Variants in DOC2B observed in about 807,000 individuals in gnomAD.
DOC2B encodes double C2-like domain-containing protein beta.
DOC2B carries 21 observed loss-of-function variants against 28.9 expected under a neutral mutation model. That is an observed-to-expected ratio of 0.73 (90% CI 0.52 to 1.05). DOC2B has a LOEUF of 1.05. DOC2B is among the 50% of genes least tolerant of loss of function. DOC2B has a pLI of 0.00. For missense variants in DOC2B, 384 were observed against 421.1 expected, an observed-to-expected ratio of 0.91 and a Z score of 0.77; for synonymous variants, 194 against 178.1, an observed-to-expected ratio of 1.09 and a Z score of -0.71.
chr17:155,848 T>G (rs2040128138), intron 6 of DOC2B, among the ~76,000 whole-genome samples: 1 of 152,078 alleles, frequency 6.6e-6, no homozygotes, highest in Admixed American at 6.6e-5. Context: ...CCTGGCAGAG[T>G]TCCTCTGCAT....
At chr17:154,946 C>G (rs1223853527) in intron 6 of DOC2B, among the ~76,000 whole-genome samples, 1 of 152,164 alleles carries the variant, frequency 6.6e-6, no homozygotes, top group Non-Finnish European at 1.5e-5. Flanking sequence ...CCAAGCTGGT[C>G]TCAAACTCCT....
intron 1 of DOC2B, among the ~76,000 whole-genome samples, chr17:176,740 C>T (rs564961376): frequency 6.6e-6 from 1 of 152,350 alleles, no homozygotes; most frequent in Non-Finnish European, 1.5e-5. Context: ...CTGTGACCCA[C>T]AGTGCCCTGC....
chr17:159,050 A>AC (rs1473142692), intron 5 of DOC2B, among the ~76,000 whole-genome samples: 1 of 151,548 alleles, frequency 6.6e-6, no homozygotes, highest in Non-Finnish European at 1.5e-5. Flanking sequence ...ATAAAAAAAA[A>AC]AAAAAAACAA....
rs1555523219 is a variant in DOC2B at position 161,447 on chromosome 17, T to A, written c.733A>T (p.Thr245Ser). The change falls in exon 5 of 9, where the codon ACC becomes TCC. Residue 245 changes from threonine (T) to serine (S), a missense_variant. Coordinates refer to ENST00000613549, the MANE Select transcript of DOC2B (RefSeq NM_003585.5). ...TGCTTCTCCAGGCAGATGCTGAAGG[T>A]CTTGGTGTGGTTGGGTTTCAGCTTC... ...LKKLKPNHTK[T>S]FSICLEKQLP... 6.4e-7 allele frequency: 1 copy of A among 1,551,478 alleles called. No individual in the cohort carries two copies. The highest frequency in any genetic ancestry group is 8.7e-7 in the Non-Finnish European group (1 of 1,146,938).
At chr17:180,018 C>T (rs1219634257) in intron 1 of DOC2B, among the ~76,000 whole-genome samples, 1 of 152,224 alleles carries the variant, frequency 6.6e-6, no homozygotes, top group Non-Finnish European at 1.5e-5. Context: ...GCCCACAGGC[C>T]CTGGTGAGTG....
chr17:150,832 C>G (rs1020234101), intron 6 of DOC2B, among the ~76,000 whole-genome samples: 1 of 152,174 alleles, frequency 6.6e-6, no homozygotes, highest in African/African-American at 2.4e-5. Flanking sequence ...AATGGAAGAC[C>G]ACTTAGCAAC....
chr17:151,982 T>A (rs1555521851), intron 6 of DOC2B, among the ~76,000 whole-genome samples: 1 of 152,172 alleles, frequency 6.6e-6, no homozygotes, highest in East Asian at 1.9e-4. Flanking sequence ...TCCCTGAGCA[T>A]ACCCTACTCT....
chr17:150,088 G>A (rs1457685400), intron 6 of DOC2B, among the ~76,000 whole-genome samples: 1 of 152,170 alleles, frequency 6.6e-6, no homozygotes, highest in Non-Finnish European at 1.5e-5. Flanking sequence ...CTTGCCCAAG[G>A]TCACACAGCC....
intron 1 of DOC2B, among the ~76,000 whole-genome samples, chr17:174,239 C>G (rs568479347): frequency 1.3e-5 from 2 of 152,336 alleles, no homozygotes; most frequent in East Asian, 3.9e-4. Flanking sequence ...TGACATCAGT[C>G]TCCTCGGTTC....
rs2040036389 is a variant in DOC2B, at chr17:148,243, C to T, written c.1032G>A (p.Gly344=). Residue 344 remains glycine (G), a synonymous_variant, in exon 8 of 9, where the codon GGG becomes GGA. Coordinates refer to ENST00000613549, the MANE Select transcript of DOC2B (RefSeq NM_003585.5). ...NEEFCYEIKH[G]DLAKKSLEVT... is the part of the protein sequence containing the mutation. ...CCTCCAGGGACTTCTTGGCCAGGTC[C>T]CCATGCTTGATCTCGTAACAGAACT... 2 of 398,526 alleles carry T rather than the reference C, an allele frequency of 5.0e-6. No individual in the cohort carries two copies. Among genetic ancestry groups the T allele is most frequent in the Non-Finnish European group, 8.8e-6 (2 of 226,128 alleles). The allele number at this position is 398,526 out of a possible 1,614,324, so 24.7% of individuals were successfully genotyped here.
At chr17:169,969 G>A (rs1297106327) in intron 2 of DOC2B, among the ~76,000 whole-genome samples, 3 of 152,184 alleles carry the variant, frequency 2.0e-5, no homozygotes, top group Admixed American at 6.5e-5. Context: ...TACACACAGA[G>A]ACACACATAC....
chr17:155,355 T>C (rs1555522292), intron 6 of DOC2B, among the ~76,000 whole-genome samples: 1 of 152,174 alleles, frequency 6.6e-6, no homozygotes, highest in Middle Eastern at 3.2e-3. Flanking sequence ...CCTAGAGCTG[T>C]GCCACGAGGA....
intron 1 of DOC2B, 91 bp from the exon 2 acceptor site, chr17:172,707 C>A: frequency 9.4e-7 from 1 of 1,065,098 alleles, no homozygotes; most frequent in South Asian, 1.8e-5. Flanking sequence ...CTGGCCTGGG[C>A]AGGTGCCACC....
chr17:164,610 C>T (rs986084714), intron 2 of DOC2B, among the ~76,000 whole-genome samples: 1 of 152,152 alleles, frequency 6.6e-6, no homozygotes, highest in African/African-American at 2.4e-5. Context: ...ATCCACATAA[C>T]CCCGGGACAC....
rs1438781881 is a variant in DOC2B at position 143,545 on chromosome 17, T to TC, written c.*3895dup. 0.041 allele frequency: 6,186 copies of TC among 152,020 alleles called. 170 individuals carry two copies. Among genetic ancestry groups the TC allele is most frequent in the Non-Finnish European group, 0.062 (4,211 of 67,972 alleles). The allele number at this position is 152,020 out of a possible 1,614,324, so 9.4% of individuals were successfully genotyped here. A position where few individuals can be genotyped will look rare whatever the true frequency, so the allele number is the denominator to read the frequency against. Reference sequence around the variant, plus strand: ...TCTGTGTGTGTAGAGGCGTGGTTTCTCCATGTTGACCAGGCTGGTCTCGAA... The same window carrying TC: ...TCTGTGTGTGTAGAGGCGTGGTTTCTCCCATGTTGACCAGGCTGGTCTCGAA... On this transcript the variant is annotated 3_prime_UTR_variant, in exon 9 of 9. Transcript: ENST00000613549.
At position 180,409 on chromosome 17, in the gene DOC2B, GC is replaced by G. The variant is rs1347537693; in HGVS notation, c.373+697del. 2.0e-5 allele frequency among the ~76,000 whole-genome samples: 3 copies of G among 152,086 alleles called. No homozygotes were observed. The East Asian group carries it at 5.8e-4, about 30-fold the overall frequency. On this transcript the variant is annotated intron_variant, in intron 1 of 8. Coordinates refer to ENST00000613549, the MANE Select transcript of DOC2B (RefSeq NM_003585.5). ...GGGAGGAGGGGGAGCGGGCTGGGGG[GC>G]CCTCTCTGCCCGGGGGCCGCGGGCG...
intron 5 of DOC2B, among the ~76,000 whole-genome samples, chr17:158,930 AGCTATTGGGAG>A (rs2040167307): frequency 6.7e-6 from 1 of 149,210 alleles, no homozygotes; most frequent in Non-Finnish European, 1.5e-5. Flanking sequence ...CTGTAATCCC[AGCTATTGGGAG>A]GCTGAGGCAG....
intron 1 of DOC2B, 113 bp downstream of exon 1, chr17:180,994 C>A: frequency 3.2e-6 from 3 of 933,882 alleles, no homozygotes; most frequent in Non-Finnish European, 4.2e-6. Context: ...GGTTGTGAAC[C>A]GAGGCAGAGC....
chr17:169,939 C>T (rs1215908988), intron 2 of DOC2B, among the ~76,000 whole-genome samples: 2 of 152,236 alleles, frequency 1.3e-5, no homozygotes, highest in Admixed American at 1.3e-4. Flanking sequence ...TACATGTGTG[C>T]ACGCACGGTA....
Sources: gnomAD v4.1 joint callset for allele counts (sites outside exome capture counted in the v4.1 genomes callset) on GRCh38, gnomAD v4.1.1 for gene constraint, MANE v1.5 for transcripts, NCBI Gene and HGNC (gene_info 2026-07-23, HGNC 2026-07-21) for gene names.